COL19A1: variants seen among roughly 807,000 people sequenced by gnomAD.
COL19A1 encodes collagen alpha-1(XIX) chain.
In COL19A1, 159 loss-of-function variants were observed where a neutral mutation model predicts 190.2. The observed-to-expected ratio is 0.84, with a 90% CI of 0.73 to 0.95. COL19A1 has a LOEUF of 0.95. COL19A1 is among the 40% of genes least tolerant of loss of function. COL19A1 has a pLI of 0.00. For missense variants in COL19A1, 1,418 were observed against 1,431.9 expected (o/e 0.99, Z 0.16); for synonymous variants, 509 against 458.9 (o/e 1.11, Z -1.39).
chr6:69,875,720 T>C (rs1450457442), intron 1 of COL19A1, among the ~76,000 whole-genome samples: 1 of 152,104 alleles, frequency 6.6e-6, no homozygotes, highest in Non-Finnish European at 1.5e-5. Flanking sequence ...GAAGAACAAT[T>C]TGTGGTTGGA....
intron 49 of COL19A1, among the ~76,000 whole-genome samples, chr6:70,205,508 C>T (rs1467677374): frequency 1.3e-5 from 2 of 152,228 alleles, no homozygotes; most frequent in Non-Finnish European, 2.9e-5. Context: ...TGCTCTCCTA[C>T]TGATATCTTT....
chr6:69,890,185 T>C (rs1769249437), intron 2 of COL19A1: 2 of 151,884 alleles, frequency 1.3e-5, no homozygotes, highest in Non-Finnish European at 2.9e-5. Flanking sequence ...CAGTTTTACA[T>C]AGGATTTATA....
chr6:69,937,289 A>G (rs1422792113), intron 8 of COL19A1, among the ~76,000 whole-genome samples: 1 of 152,062 alleles, frequency 6.6e-6, no homozygotes, highest in African/African-American at 2.4e-5. Flanking sequence ...AATACTCTAC[A>G]TTGTATTTCT....
intron 14 of COL19A1, among the ~76,000 whole-genome samples, chr6:70,038,346 T>C (rs1779463458): frequency 6.6e-6 from 1 of 152,304 alleles, no homozygotes; most frequent in Admixed American, 6.5e-5. Flanking sequence ...TTTTAAAAGC[T>C]CCCCGAGTGG....
At chr6:70,180,394 G>A in intron 43 of COL19A1, 38 bp downstream of exon 43, 4 of 1,614,060 alleles carry the variant, frequency 2.5e-6, no homozygotes, top group Non-Finnish European at 3.4e-6. Context: ...TTGTACTTGT[G>A]TTGTACTTGC....
intron 4 of COL19A1, among the ~76,000 whole-genome samples, chr6:69,903,360 T>C (rs766254829): frequency 9.2e-5 from 14 of 152,080 alleles, no homozygotes; most frequent in Non-Finnish European, 1.5e-4. Context: ...CAAGACCTCT[T>C]GTAAATCTGT....
chr6:70,150,735 C>T (rs1787003614), intron 30 of COL19A1, among the ~76,000 whole-genome samples: 1 of 152,088 alleles, frequency 6.6e-6, no homozygotes, highest in Admixed American at 6.6e-5. Flanking sequence ...CCTTATGTGC[C>T]TTTATAAGCT....
At chr6:70,049,053 T>G (rs1582778060) in intron 14 of COL19A1, among the ~76,000 whole-genome samples, 3 of 152,032 alleles carry the variant, frequency 2.0e-5, no homozygotes, top group Admixed American at 2.0e-4. Context: ...AATGTATATA[T>G]TATAGCATAG....
At chr6:69,975,399 C>G (rs1157968175) in intron 11 of COL19A1, among the ~76,000 whole-genome samples, 1 of 152,166 alleles carries the variant, frequency 6.6e-6, no homozygotes, top group Non-Finnish European at 1.5e-5. Context: ...AGTCCTCATC[C>G]TGGCTCCTGG....
At chr6:69,969,110 G>A (rs1269723848) in intron 11 of COL19A1, among the ~76,000 whole-genome samples, 1 of 152,126 alleles carries the variant, frequency 6.6e-6, no homozygotes, top group East Asian at 1.9e-4. Context: ...GGAATTAAAT[G>A]AGTGCCGGTG....
intron 31 of COL19A1, among the ~76,000 whole-genome samples, chr6:70,153,812 T>C (rs1019243299): frequency 3.9e-5 from 6 of 151,952 alleles, no homozygotes; most frequent in African/African-American, 1.5e-4. Context: ...TCTATAAATA[T>C]ATATATTTAA....
At position 70,063,140 on chromosome 6, in the gene COL19A1, A is replaced by T. The variant is rs184594662; in HGVS notation, c.1171-5283A>T. The stretch of plus-strand genomic sequence containing the variant: ...TCTGCACCAAGCAGACCTAATACAC[A>T]TCTACAGAACTCTCCACCCCAAATC... On this transcript the variant is annotated intron_variant, in intron 14 of 50. Transcript: ENST00000620364. Among the ~76,000 whole-genome samples the T allele has an allele frequency of 2.6e-3, 399 of 152,304 alleles. 3 individuals are homozygous for T. Among genetic ancestry groups the T allele is most frequent in the Non-Finnish European group, 4.3e-3 (291 of 68,026 alleles).
At chr6:69,999,899 A>T (rs966362008) in intron 11 of COL19A1, among the ~76,000 whole-genome samples, 1 of 152,122 alleles carries the variant, frequency 6.6e-6, no homozygotes, top group Non-Finnish European at 1.5e-5. Context: ...TTTAAGTTTT[A>T]CTTAAGTTTC....
At chr6:69,879,951 C>CA (rs1201404550) in intron 2 of COL19A1, 7 of 394,740 alleles carry the variant, frequency 1.8e-5, no homozygotes, top group Non-Finnish European at 3.1e-5. Flanking sequence ...CATTATGTAT[C>CA]TTTCCCTTTC....
chr6:69,967,881 T>C (rs140177275), intron 11 of COL19A1, among the ~76,000 whole-genome samples: 8 of 152,302 alleles, frequency 5.3e-5, no homozygotes, highest in South Asian at 4.1e-4. Flanking sequence ...AAATATAATA[T>C]TCAAATGAAT....
chr6:69,893,790 A>G (rs1769528410), intron 2 of COL19A1, among the ~76,000 whole-genome samples: 1 of 152,138 alleles, frequency 6.6e-6, no homozygotes, highest in Non-Finnish European at 1.5e-5. Context: ...TCTGATAAAC[A>G]TTTTACAACT....
chr6:70,113,262 A>G (rs1452023260), intron 16 of COL19A1, among the ~76,000 whole-genome samples: 1 of 152,206 alleles, frequency 6.6e-6, no homozygotes, highest in Admixed American at 6.5e-5. Context: ...TATCTTTTGT[A>G]GGGGAAATTC....
At chr6:70,072,644 G>A (rs1234294378) in intron 15 of COL19A1, among the ~76,000 whole-genome samples, 1 of 152,012 alleles carries the variant, frequency 6.6e-6, no homozygotes, top group African/African-American at 2.4e-5. Flanking sequence ...CAACATTTTT[G>A]TGCAGGTTTT....
At chr6:70,156,280 GCA>G in intron 32 of COL19A1, 34 bp from the exon 33 acceptor site, 1 of 1,613,040 alleles carries the variant, frequency 6.2e-7, no homozygotes, top group Non-Finnish European at 8.5e-7. Context: ...TACATGTAGT[GCA>G]TCCTCTCAGT....
Sources: allele counts gnomAD v4.1 joint callset (sites outside exome capture counted in the v4.1 genomes callset), GRCh38; gene constraint gnomAD v4.1.1; transcripts MANE v1.5; gene names NCBI Gene and HGNC (gene_info 2026-07-23, HGNC 2026-07-21).